The following MYO9A variants were observed in gnomAD, a reference collection of about 807,000 sequenced individuals.
MYO9A encodes myosin IXA.
Under a neutral mutation model 293.3 loss-of-function variants are expected in MYO9A, and 103 were observed. That is an observed-to-expected ratio of 0.35 (90% confidence interval 0.30 to 0.41). MYO9A has a LOEUF of 0.41. Ranked by LOEUF, MYO9A falls within the 10% of genes least tolerant of loss-of-function variation. MYO9A has a pLI of 1.00. For missense variants in MYO9A, 2,685 were observed against 3,033.0 expected, an observed-to-expected ratio of 0.89 and a Z score of 2.69; for synonymous variants, 1,001 against 1,035.7, an observed-to-expected ratio of 0.97 and a Z score of 0.64.
At chr15:72,118,241 C>G (rs2056967121), upstream of MYO9A, 1 of 334,524 alleles carries the variant, frequency 3.0e-6, no homozygotes, top group Admixed American at 4.9e-5. Flanking sequence ...ACAGCGTGCG[C>G]TTGCGCAGAC....
In MYO9A at chr15:71,826,509, G is replaced by T; in HGVS notation, c.*71C>A. On this transcript the variant is annotated 3_prime_UTR_variant, in exon 42 of 42. Coordinates refer to ENST00000356056, the MANE Select transcript of MYO9A (RefSeq NM_006901.4). ...TAGGATTGACTATTGTGGACGAGGTGATGAAACGCAGCCCCAAAGGTGAGA... is the reference window on the plus strand; with the variant it reads ...TAGGATTGACTATTGTGGACGAGGTTATGAAACGCAGCCCCAAAGGTGAGA... 7.1e-7 allele frequency: 1 copy of T among 1,404,876 alleles called. No individual in the cohort carries two copies. Among genetic ancestry groups the T allele is most frequent in the Non-Finnish European group, 9.7e-7 (1 of 1,033,986 alleles). 87.0% of individuals were successfully genotyped at this position (1,404,876 alleles called of 1,614,324 possible).
intron 15 of MYO9A, among the ~76,000 whole-genome samples, chr15:71,941,912 T>C (rs960795670): frequency 2.0e-5 from 3 of 152,092 alleles, no homozygotes; most frequent in Non-Finnish European, 2.9e-5. Flanking sequence ...GCCTACTTCA[T>C]GAAGTAACTC....
At chr15:71,830,054 G>A (rs2054655696) in intron 40 of MYO9A, 55 bp downstream of exon 40, 13 of 1,537,916 alleles carry the variant, frequency 8.5e-6, no homozygotes, top group Non-Finnish European at 1.2e-5. Flanking sequence ...AACGATAGAA[G>A]GAAGGAAACA....
intron 1 of MYO9A, among the ~76,000 whole-genome samples, chr15:72,087,531 A>G (rs2079777698): frequency 6.6e-6 from 1 of 152,050 alleles, no homozygotes; most frequent in Non-Finnish European, 1.5e-5. Flanking sequence ...AGTTCAACTC[A>G]CCCGTTTCCC....
At chr15:72,009,036 A>C (rs1035040512) in intron 7 of MYO9A, among the ~76,000 whole-genome samples, 5 of 152,160 alleles carry the variant, frequency 3.3e-5, no homozygotes, top group Non-Finnish European at 7.4e-5. Flanking sequence ...AAAGTTTTTA[A>C]ATCTTTGAAT....
In MYO9A at chr15:72,046,535, C is replaced by T. The variant is rs752545544; in HGVS notation, c.29G>A (p.Arg10His). The change falls in exon 2 of 42, where the codon CGC becomes CAC. Residue 10 changes from arginine to histidine, a missense_variant. Arg to His is a conservative substitution (Grantham distance 29). Coordinates refer to ENST00000356056, the MANE Select transcript of MYO9A (RefSeq NM_006901.4). MNINDGGRR[R>H]FEDNEHTLRI... Reference sequence around the variant, plus strand: ...TAATGTATGTTCATTATCTTCAAAGCGTCGTCTTCCTCCATCATTTATATT... The same window carrying T: ...TAATGTATGTTCATTATCTTCAAAGTGTCGTCTTCCTCCATCATTTATATT... The T allele has an allele frequency of 1.6e-5, 25 of 1,604,306 alleles. No homozygotes were observed. The Admixed American group carries it at 2.2e-4, about 14-fold the overall frequency.
rs111736242 is a variant in MYO9A, at chr15:71,857,453, C to T, written c.6153+2282G>A. Reference sequence around the variant, plus strand: ...ACCCAGATTAAGAAACAGAATATTACCAAGCAGTTTAAAATTCCCCCAGGT... The same window carrying T: ...ACCCAGATTAAGAAACAGAATATTATCAAGCAGTTTAAAATTCCCCCAGGT... On this transcript the variant is annotated intron_variant, in intron 34 of 41. Coordinates refer to ENST00000356056, the MANE Select transcript of MYO9A (RefSeq NM_006901.4). Among the ~76,000 whole-genome samples, 878 of 152,184 alleles carry T rather than the reference C, an allele frequency of 5.8e-3. 7 individuals are homozygous for T. Among genetic ancestry groups the T allele is most frequent in the African/African-American group, 0.018 (733 of 41,522 alleles).
At chr15:72,112,228 TA>T (rs916029974) in intron 1 of MYO9A, among the ~76,000 whole-genome samples, 17 of 151,112 alleles carry the variant, frequency 1.1e-4, no homozygotes, top group African/African-American at 3.6e-4. Flanking sequence ...AATAAATAAA[TA>T]AAAAAAACAC....
intron 33 of MYO9A, among the ~76,000 whole-genome samples, chr15:71,861,399 A>T (rs1004681038): frequency 1.5e-4 from 22 of 150,826 alleles, no homozygotes; most frequent in African/African-American, 5.3e-4. Context: ...AACCAAGTTG[A>T]TCTACAAAGA....
In MYO9A at chr15:71,916,482, T is replaced by C. The variant is rs1335083168; in HGVS notation, c.2573A>G (p.Glu858Gly). The C allele has an allele frequency of 6.2e-7, 1 of 1,606,474 alleles. No homozygotes were observed. Among genetic ancestry groups the C allele is most frequent in the Admixed American group, 1.7e-5 (1 of 58,118 alleles). ...TGTCAGGTGCTTTAAAGAATTTACT[T>C]CTAGCAAGTGCTGAAAGAAGAGAAA... ...SKPALPKHLLEVNSLKHLTRL... is the reference protein window; with the variant it reads ...SKPALPKHLLGVNSLKHLTRL... Residue 858 changes from glutamate to glycine, a missense_variant, in exon 19 of 42, where the codon GAA becomes GGA. Around this residue, in one of 10 missense-constraint regions of MYO9A, gnomAD observed 1,434 missense variants for 1,497.7 expected, o/e 0.96. Coordinates refer to ENST00000356056, the MANE Select transcript of MYO9A (RefSeq NM_006901.4).
At chr15:71,901,098 T>C (rs2143497476) in intron 23 of MYO9A, 93 bp downstream of exon 23, 1 of 1,344,740 alleles carries the variant, frequency 7.4e-7, no homozygotes, top group Non-Finnish European at 1.0e-6. Flanking sequence ...TTCACATTAT[T>C]ACTGAAAATG....
At chr15:71,887,945 T>C in intron 27 of MYO9A, 59 bp downstream of exon 27, 10 of 979,586 alleles carry the variant, frequency 1.0e-5, no homozygotes, top group Non-Finnish European at 1.4e-5. Context: ...AGTACTTAAC[T>C]ATAGTCAGTT....
chr15:71,949,328 G>A (rs56820256), intron 15 of MYO9A, among the ~76,000 whole-genome samples: 3,308 of 151,884 alleles, frequency 0.022, 114 homozygotes, highest in African/African-American at 0.077. Context: ...TCAGCCACAC[G>A]AGGAGGCTGG....
chr15:72,053,245 CA>C (rs1053095798), intron 1 of MYO9A, among the ~76,000 whole-genome samples: 50 of 143,902 alleles, frequency 3.5e-4, no homozygotes, highest in Admixed American at 5.5e-4. Context: ...ATTAAAAGTA[CA>C]AAAAAAAAAA....
chr15:72,000,662 C>CA (rs1489955000), intron 8 of MYO9A, among the ~76,000 whole-genome samples: 2 of 152,074 alleles, frequency 1.3e-5, no homozygotes, highest in Non-Finnish European at 2.9e-5. Context: ...TTTTTTGAGA[C>CA]AGAGTTTCAC....
rs2078384681 is a variant in MYO9A at position 72,046,357 on chromosome 15, A to G, written c.207T>C (p.Phe69=). The part of the protein sequence containing the change: ...KCYVLAEVKE[F]GGEEWILNPT... ...GATTGAGAATCCATTCTTCTCCACC[A>G]AATTCCTTTACCTCTGCTAGAACAT... The change falls in exon 2 of 42, where the codon TTT becomes TTC. Residue 69 remains phenylalanine, a synonymous_variant. Coordinates refer to ENST00000356056, the MANE Select transcript of MYO9A (RefSeq NM_006901.4). 1 of 1,613,942 alleles carries G rather than the reference A, an allele frequency of 6.2e-7. No individual in the cohort carries two copies. Among genetic ancestry groups the G allele is most frequent in the Non-Finnish European group, 8.5e-7 (1 of 1,179,812 alleles).
At position 71,879,789 on chromosome 15, in the gene MYO9A, C is replaced by T; in HGVS notation, c.5671G>A (p.Val1891Ile). Residue 1891 changes from valine to isoleucine, a missense_variant, in exon 30 of 42, where the codon GTT becomes ATT. Val to Ile is a conservative substitution (Grantham distance 29). Transcript: ENST00000356056. ...EDSKKDTLVD[V>I]VFKKALKEFR... is the part of the protein sequence containing the mutation. The stretch of plus-strand genomic sequence containing the variant: ...TCCTTCAGGGCTTTTTTAAATACAA[C>T]ATCCACTAGTGTATCCTTCTTGCTG... 6.2e-7 allele frequency: 1 copy of T among 1,613,782 alleles called. No individual in the cohort carries two copies. Among genetic ancestry groups the T allele is most frequent in the South Asian group, 1.1e-5 (1 of 91,076 alleles).
At chr15:72,058,240 C>T (rs1596482750) in intron 1 of MYO9A, among the ~76,000 whole-genome samples, 1 of 151,994 alleles carries the variant, frequency 6.6e-6, no homozygotes, top group African/African-American at 2.4e-5. Context: ...GAATTTATAA[C>T]GTAAAATTTT....
chr15:71,867,189 T>C lies in MYO9A; in HGVS notation c.5980-4578A>G, dbSNP rs529032459. ...AGACGGACTTTAAAATAAATGATGT[T>C]GGTAGCCATTGATAAGAGGCAAAAT... On this transcript the variant is annotated intron_variant, in intron 32 of 41. Transcript: ENST00000356056. Among the ~76,000 whole-genome samples, 10 of 152,192 alleles carry C rather than the reference T, an allele frequency of 6.6e-5. No individual in the cohort carries two copies. The South Asian group carries it at 2.1e-3, about 32-fold the overall frequency.
Sources: gnomAD v4.1 joint callset for allele counts (sites outside exome capture counted in the v4.1 genomes callset) on GRCh38, gnomAD v4.1.1 for gene constraint, gnomAD v4.1.1 regional missense constraint, MANE v1.5 for transcripts, NCBI Gene and HGNC (gene_info 2026-07-23, HGNC 2026-07-21) for gene names.